Variants in DRC8 observed in about 807,000 individuals in gnomAD.
DRC8 encodes the protein dynein regulatory complex protein 8.
the DRC8 span, among the ~76,000 whole-genome samples, chr1:245,099,686 TGAG>T: frequency 6.6e-6 from 1 of 152,242 alleles, no homozygotes; most frequent in Non-Finnish European, 1.5e-5. Flanking sequence ...GCTGATCGCT[TGAG>T]GGGGTGGTGA....
chr1:245,083,756 G>A, the DRC8 span: 92 of 1,532,568 alleles, frequency 6.0e-5, no homozygotes, highest in Admixed American at 6.8e-5. Context: ...ACAGTTATGC[G>A]AAAGTTATAG....
At chr1:244,999,058 C>CAAAAAAAA in the DRC8 span, among the ~76,000 whole-genome samples, 4 of 83,674 alleles carry the variant, frequency 4.8e-5, no homozygotes, top group East Asian at 3.8e-4. Flanking sequence ...GATCCTGGGT[C>CAAAAAAAA]AAAAAAAAAA....
the DRC8 span, among the ~76,000 whole-genome samples, chr1:245,009,036 T>C: frequency 5.2e-4 from 65 of 126,188 alleles, no homozygotes; most frequent in Middle Eastern, 0.011. Context: ...TTCTTTTTTT[T>C]TTTTTTTTTT....
chr1:245,022,987 A>C, the DRC8 span: 1 of 152,216 alleles, frequency 6.6e-6, no homozygotes, highest in East Asian at 1.9e-4. Flanking sequence ...TCATATATCA[A>C]TGGAAGAGTA....
At chr1:245,054,788 G>A in the DRC8 span, among the ~76,000 whole-genome samples, 1 of 152,170 alleles carries the variant, frequency 6.6e-6, no homozygotes, top group Admixed American at 6.5e-5. Context: ...ACTCTTATGA[G>A]TATCAAGTCT....
the DRC8 span, among the ~76,000 whole-genome samples, chr1:245,060,598 A>T: frequency 6.6e-5 from 10 of 152,208 alleles, no homozygotes; most frequent in Admixed American, 3.3e-4. Flanking sequence ...TTAAAAAAAG[A>T]TACTGATTAC....
the DRC8 span, chr1:245,083,850 G>A: frequency 2.1e-6 from 2 of 972,480 alleles, no homozygotes; most frequent in Non-Finnish European, 2.9e-6. Flanking sequence ...TGTTCTGTGG[G>A]GGTTAAGAGG....
At chr1:245,041,703 A>G in the DRC8 span, among the ~76,000 whole-genome samples, 9 of 152,296 alleles carry the variant, frequency 5.9e-5, no homozygotes, top group African/African-American at 1.7e-4. Flanking sequence ...CCCAAACAAA[A>G]GGGAGGTGAT....
chr1:245,076,974 C>G, the DRC8 span, among the ~76,000 whole-genome samples: 1 of 152,092 alleles, frequency 6.6e-6, no homozygotes, highest in Non-Finnish European at 1.5e-5. Context: ...ATCCGCCCAC[C>G]TTAGCCTCCC....
chr1:245,121,948 A>T, the DRC8 span: 1 of 417,840 alleles, frequency 2.4e-6, no homozygotes, highest in Admixed American at 2.9e-5. Context: ...GCCCAGGCTG[A>T]AGTGCAGTGG....
chr1:244,976,674 C>T, the DRC8 span, among the ~76,000 whole-genome samples: 1 of 152,172 alleles, frequency 6.6e-6, no homozygotes, highest in Non-Finnish European at 1.5e-5. Flanking sequence ...AACTGGAACC[C>T]TCGTGGACTG....
the DRC8 span, among the ~76,000 whole-genome samples, chr1:245,033,360 C>T: frequency 3.5e-4 from 54 of 152,318 alleles, no homozygotes; most frequent in African/African-American, 1.2e-3. Flanking sequence ...TCTCCTCTCC[C>T]GGAGGCAGTG....
At chr1:245,083,603 A>G in the DRC8 span, 37 of 1,602,384 alleles carry the variant, frequency 2.3e-5, no homozygotes, top group Admixed American at 5.6e-4. Context: ...TATAATATCT[A>G]TCTTTTCTTT....
chr1:245,053,946 C>G, the DRC8 span, among the ~76,000 whole-genome samples: 1 of 152,120 alleles, frequency 6.6e-6, no homozygotes, highest in Non-Finnish European at 1.5e-5. Flanking sequence ...CGCTAAGTGC[C>G]TGGCCAAGGC....
chr1:245,028,652 T>A, the DRC8 span, among the ~76,000 whole-genome samples: 2 of 152,156 alleles, frequency 1.3e-5, no homozygotes, highest in Non-Finnish European at 2.9e-5. Context: ...GAGTGGAACT[T>A]GAGCAGTTAC....
At chr1:245,109,712 G>A in the DRC8 span, among the ~76,000 whole-genome samples, 1 of 152,224 alleles carries the variant, frequency 6.6e-6, no homozygotes, top group Non-Finnish European at 1.5e-5. Flanking sequence ...GGAAATCACA[G>A]CTCGGAGAGG....
At chr1:245,054,891 AC>A in the DRC8 span, among the ~76,000 whole-genome samples, 1 of 152,214 alleles carries the variant, frequency 6.6e-6, no homozygotes, top group South Asian at 2.1e-4. Context: ...TGAGTCAGTG[AC>A]AAAGGACTTC....
the DRC8 span, among the ~76,000 whole-genome samples, chr1:245,098,144 A>G: frequency 6.6e-6 from 1 of 152,106 alleles, no homozygotes; most frequent in Non-Finnish European, 1.5e-5. Context: ...GATGGGATGG[A>G]AGTAGAGAAA....
chr1:245,016,656 G>A, the DRC8 span, among the ~76,000 whole-genome samples: 1 of 152,112 alleles, frequency 6.6e-6, no homozygotes, highest in East Asian at 1.9e-4. Context: ...CATAACCTTA[G>A]CACATTGTAA....
Sources: allele counts gnomAD v4.1 joint callset (sites outside exome capture counted in the v4.1 genomes callset), GRCh38; gene constraint gnomAD v4.1.1; transcripts MANE v1.5; gene names NCBI Gene and HGNC (gene_info 2026-07-23, HGNC 2026-07-21).